MMP12: variants seen among roughly 807,000 people sequenced by gnomAD.
MMP12 encodes the protein matrix metallopeptidase 12.
Under a neutral mutation model 45.2 loss-of-function variants are expected in MMP12, and 51 were observed. The observed-to-expected ratio is 1.13, with a 90% confidence interval of 0.90 to 1.42. The LOEUF (loss-of-function observed/expected upper bound fraction) is 1.42, where lower values mean the gene tolerates loss of function less well. Among genes scored for constraint, MMP12 ranks in the 40% most tolerant of loss-of-function variants. The pLI is 0.00. For synonymous variants in MMP12, 210 were observed against 193.3 expected (o/e 1.09, Z -0.72); for missense variants, 530 against 570.8 (o/e 0.93, Z 0.73).
intron 4 of MMP12, among the ~76,000 whole-genome samples, chr11:102,869,826 G>A (rs1859460677): frequency 6.6e-6 from 1 of 152,040 alleles, no homozygotes; most frequent in Non-Finnish European, 1.5e-5. Context: ...GGCTGAAGTA[G>A]GAGAATTGCT....
At chr11:102,863,310 G>T in intron 9 of MMP12, 110 bp from the exon 10 acceptor site, 1 of 642,474 alleles carries the variant, frequency 1.6e-6, no homozygotes. Flanking sequence ...ATGACCTATG[G>T]GCTGTGGTTC....
intron 4 of MMP12, among the ~76,000 whole-genome samples, chr11:102,869,157 T>G (rs1168298812): frequency 2.0e-5 from 3 of 152,192 alleles, no homozygotes; most frequent in African/African-American, 4.8e-5. Flanking sequence ...GCCTTCATTT[T>G]TGTCTTTTTC....
At position 102,873,065 on chromosome 11, in the gene MMP12, C is replaced by T. The variant is rs782467921; in HGVS notation, c.150G>A (p.Val50=). ...AGTTTCCACTATATTTCATTTTTGT[C>T]ACTGGAAGTTTGTTTATCTCAAGGC... is the stretch of plus-strand genomic sequence containing the variant. ...FYGLEINKLP[V]TKMKYSGNLM... is the part of the protein sequence containing the mutation. Residue 50 remains valine, a synonymous_variant, in exon 2 of 10, where the codon GTG becomes GTA. Transcript: ENST00000571244. 3 of 1,612,998 alleles carry T rather than the reference C, an allele frequency of 1.9e-6. No individual in the cohort carries two copies. The highest frequency in any genetic ancestry group is 2.5e-6 in the Non-Finnish European group (3 of 1,179,396).
chr11:102,863,370 G>C (rs1423593587), intron 9 of MMP12, among the ~76,000 whole-genome samples, 170 bp from the exon 10 acceptor site: 1 of 152,042 alleles, frequency 6.6e-6, no homozygotes, highest in African/African-American at 2.4e-5. Context: ...GACTGCTTGA[G>C]GCCAGGAGTT....
chr11:102,874,059 A>G (rs1555009789), intron 1 of MMP12, among the ~76,000 whole-genome samples: 2 of 151,800 alleles, frequency 1.3e-5, no homozygotes. Context: ...AAAGAAAAGA[A>G]AACAAAAGGA....
At chr11:102,872,770 T>C in intron 2 of MMP12, 95 bp downstream of exon 2, 2 of 1,369,274 alleles carry the variant, frequency 1.5e-6, no homozygotes, top group Non-Finnish European at 2.0e-6. Flanking sequence ...GGTTACTTTA[T>C]CTACTTCCAG....
rs895547322 is a variant in MMP12, at chr11:102,864,425, C to G, written c.1206-173G>C. Among the ~76,000 whole-genome samples the G allele has an allele frequency of 2.6e-5, 4 of 152,294 alleles. No homozygotes were observed. In the East Asian group the frequency reaches 5.8e-4, roughly 22 times the overall value. On this transcript the variant is annotated intron_variant, in intron 8 of 9. Coordinates refer to ENST00000571244, the MANE Select transcript of MMP12 (RefSeq NM_002426.6). ...ATTTCCTCTGAGTCCCTATAGGACT[C>G]AAACCTATGCTTCCTGACTCTGGTT...
intron 4 of MMP12, among the ~76,000 whole-genome samples, chr11:102,870,593 G>C (rs951292419): frequency 6.6e-6 from 1 of 152,158 alleles, no homozygotes; most frequent in Non-Finnish European, 1.5e-5. Context: ...GAAAAATTAA[G>C]AAGGCTTCTG....
At chr11:102,867,812 G>T in intron 5 of MMP12, 96 bp downstream of exon 5, 3 of 1,306,280 alleles carry the variant, frequency 2.3e-6, no homozygotes, top group Non-Finnish European at 2.1e-6. Context: ...CTTAAAAAAA[G>T]ACAGATATTA....
rs1473171333 is a variant in MMP12 at position 102,862,960 on chromosome 11, T to C, written c.*140A>G. The C allele has an allele frequency of 1.0e-5, 5 of 489,410 alleles. No individual in the cohort carries two copies. The highest frequency in any genetic ancestry group is 1.8e-5 in the Non-Finnish European group (5 of 282,088). 30.3% of individuals were successfully genotyped at this position (489,410 alleles called of 1,614,324 possible). A position where few individuals can be genotyped will look rare whatever the true frequency, so the allele number is the denominator to read the frequency against. On this transcript the variant is annotated 3_prime_UTR_variant, in exon 10 of 10. Coordinates refer to ENST00000571244, the MANE Select transcript of MMP12 (RefSeq NM_002426.6). ...AAATTGAAAAATATTATGTATTTTA[T>C]ATAATCATTACCTATGGTTTACAGA...
rs781922799 is a variant in MMP12 at position 102,863,056 on chromosome 11, A to T, written c.*44T>A. 28 of 1,274,988 alleles carry T rather than the reference A, an allele frequency of 2.2e-5. No individual in the cohort carries two copies. The highest frequency in any genetic ancestry group is 3.0e-5 in the Non-Finnish European group (27 of 886,752). 79.0% of individuals were successfully genotyped at this position (1,274,988 alleles called of 1,614,324 possible). A position where few individuals can be genotyped will look rare whatever the true frequency, so the allele number is the denominator to read the frequency against. On this transcript the variant is annotated 3_prime_UTR_variant, in exon 10 of 10. Transcript: ENST00000571244. ...CATAGCAAATATGCAATAAATACTT[A>T]TTAAGCTGAAGTGAACTAACAAAAA...
chr11:102,864,084 T>C, intron 9 of MMP12, 62 bp downstream of exon 9: 1 of 1,266,536 alleles, frequency 7.9e-7, no homozygotes, highest in Non-Finnish European at 1.1e-6. Context: ...TCTCTAATCT[T>C]AGAGGATTTA....
In MMP12 at chr11:102,862,794, A is replaced by C. The variant is rs201843005; in HGVS notation, c.*306T>G. 53 of 188,072 alleles carry C rather than the reference A, an allele frequency of 2.8e-4. No homozygotes were observed. The highest frequency in any genetic ancestry group is 1.1e-3 in the African/African-American group (49 of 42,986). The allele number at this position is 188,072 out of a possible 1,614,324, so 11.7% of individuals were successfully genotyped here. ...TATACTTAATTTTAGTTATGCCAGA[A>C]GTAAGTATAATTTCTCAGTCCAAGG... is the stretch of plus-strand genomic sequence containing the variant. On this transcript the variant is annotated 3_prime_UTR_variant, in exon 10 of 10. Coordinates refer to ENST00000571244, the MANE Select transcript of MMP12 (RefSeq NM_002426.6).
chr11:102,872,484 G>C (rs1859517577), intron 2 of MMP12, among the ~76,000 whole-genome samples: 2 of 152,064 alleles, frequency 1.3e-5, no homozygotes, highest in Admixed American at 1.3e-4. Context: ...GGGACTACAG[G>C]TGCGCGCCAC....
Position 102,863,137 on chromosome 11 carries a change from G to T in MMP12, c.1376C>A (p.Thr459Asn). 1 of 1,611,604 alleles carries T rather than the reference G, an allele frequency of 6.2e-7. No individual in the cohort carries two copies. Among genetic ancestry groups the T allele is most frequent in the African/African-American group, 1.3e-5 (1 of 74,898 alleles). ...CCAGCTATTGCTTTTCAGTGTTTTG[G>T]TGATACGTTGGAGTAGGAAGTCATA... Reference protein sequence around the residue: ...FEYDFLLQRITKTLKSNSWFG... With the variant: ...FEYDFLLQRINKTLKSNSWFG... Residue 459 changes from threonine to asparagine, a missense_variant, in exon 10 of 10, where the codon ACC becomes AAC. Coordinates refer to ENST00000571244, the MANE Select transcript of MMP12 (RefSeq NM_002426.6).
At chr11:102,871,188 A>T (rs1859487129) in intron 4 of MMP12, among the ~76,000 whole-genome samples, 1 of 152,084 alleles carries the variant, frequency 6.6e-6, no homozygotes, top group Non-Finnish European at 1.5e-5. Flanking sequence ...TAGCATCATG[A>T]TACGTGATGC....
Position 102,865,835 on chromosome 11 carries a change from T to G in MMP12, c.1146A>C (p.Ala382=). 1 of 1,613,084 alleles carries G rather than the reference T, an allele frequency of 6.2e-7. No individual in the cohort carries two copies. Among genetic ancestry groups the G allele is most frequent in the South Asian group, 1.1e-5 (1 of 90,978 alleles). Residue 382 remains alanine (A), a synonymous_variant, in exon 8 of 10, where the codon GCA becomes GCC. Coordinates refer to ENST00000571244, the MANE Select transcript of MMP12 (RefSeq NM_002426.6). This position sits in a 1 kb window ranked among gnomAD's most constrained non-coding sequence, Gnocchi z 4.1. The part of the protein sequence containing the change: ...GFPNFVKKID[A]AVFNPRFYRT... Reference sequence around the variant, plus strand: ...TATAAAAACGTGGGTTAAAAACAGCTGCATCAATTTTTTTCACAAAGTTAG... The same window carrying G: ...TATAAAAACGTGGGTTAAAAACAGCGGCATCAATTTTTTTCACAAAGTTAG...
At chr11:102,872,326 C>T (rs782466634) in intron 2 of MMP12, among the ~76,000 whole-genome samples, 1 of 151,844 alleles carries the variant, frequency 6.6e-6, no homozygotes, top group Admixed American at 6.6e-5. Context: ...CTTCATTCTC[C>T]TTTTATTTGC....
chr11:102,863,787 T>A (rs1298326204), intron 9 of MMP12, among the ~76,000 whole-genome samples: 1 of 152,138 alleles, frequency 6.6e-6, no homozygotes, highest in East Asian at 1.9e-4. Context: ...GTGCAAGGTG[T>A]AGGAAAGGGT....
Sources: allele counts gnomAD v4.1 joint callset (sites outside exome capture counted in the v4.1 genomes callset), GRCh38; gene constraint gnomAD v4.1.1; non-coding constraint Gnocchi (gnomAD v3.1); transcripts MANE v1.5; gene names NCBI Gene and HGNC (gene_info 2026-07-23, HGNC 2026-07-21).